The following VAV2 variants were observed in gnomAD, a reference collection of about 807,000 sequenced individuals.
The protein encoded by VAV2 is guanine nucleotide exchange factor VAV2.
In VAV2, 67 loss-of-function variants were observed where a neutral mutation model predicts 132.5. The ratio of observed to expected loss-of-function variants is 0.51; its 90% CI spans 0.42 to 0.62. The LOEUF is 0.62. Ranked by LOEUF, VAV2 falls within the 20% of genes least tolerant of loss-of-function variation. The probability of loss-of-function intolerance (pLI) is 0.00; values close to 1 mark genes in which losing one functional copy is unlikely to be tolerated. For synonymous variants in VAV2, 492 were observed against 443.5 expected, an observed-to-expected ratio of 1.11 and a Z score of -1.37; for missense variants, 938 against 1,153.6, an observed-to-expected ratio of 0.81 and a Z score of 2.71.
chr9:133,972,125 G>A (rs1842355779), intron 1 of VAV2, among the ~76,000 whole-genome samples: 1 of 152,156 alleles, frequency 6.6e-6, no homozygotes, highest in Admixed American at 6.5e-5. Context: ...AAAGTCCCAA[G>A]AATTCATGCT....
chr9:133,889,761 C>A (rs7026413), intron 2 of VAV2, among the ~76,000 whole-genome samples: 6,197 of 151,760 alleles, frequency 0.041, 423 homozygotes, highest in African/African-American at 0.14. Context: ...CACACACACA[C>A]AAAAAATTTT....
At chr9:133,933,752 G>C (rs1197861094) in intron 2 of VAV2, among the ~76,000 whole-genome samples, 1 of 149,716 alleles carries the variant, frequency 6.7e-6, no homozygotes, top group Non-Finnish European at 1.5e-5. Flanking sequence ...ATGAGTGGAT[G>C]GATGAATGGA....
intron 1 of VAV2, among the ~76,000 whole-genome samples, chr9:133,954,391 G>A (rs763364033): frequency 7.9e-5 from 12 of 152,232 alleles, no homozygotes; most frequent in Non-Finnish European, 1.5e-4. Flanking sequence ...CGCGTGAGAC[G>A]CCCAACAGGA....
intron 9 of VAV2, among the ~76,000 whole-genome samples, chr9:133,799,718 T>C (rs898988862): frequency 6.6e-6 from 1 of 152,014 alleles, no homozygotes; most frequent in African/African-American, 2.4e-5. Flanking sequence ...CATTTTCATA[T>C]AAAAGTTGGT....
At chr9:133,845,494 G>T (rs1168286181) in intron 3 of VAV2, among the ~76,000 whole-genome samples, 1 of 152,154 alleles carries the variant, frequency 6.6e-6, no homozygotes, top group Non-Finnish European at 1.5e-5. Context: ...CTCCTCTCTA[G>T]GCTGCCAAGG....
intron 29 of VAV2, among the ~76,000 whole-genome samples, chr9:133,767,195 A>C (rs1750520370): frequency 6.6e-6 from 1 of 152,184 alleles, no homozygotes. Flanking sequence ...AGACTGTCAG[A>C]CCAGACTGGC....
At chr9:133,856,161 G>A (rs1173333468) in intron 3 of VAV2, among the ~76,000 whole-genome samples, 3 of 152,206 alleles carry the variant, frequency 2.0e-5, no homozygotes, top group Non-Finnish European at 2.9e-5. Flanking sequence ...TGCTCATGGC[G>A]ACCGGTTTCT....
At position 133,885,207 on chromosome 9, in the gene VAV2, A is replaced by G. The variant is rs905047876; in HGVS notation, c.322-23775T>C. 2.6e-5 allele frequency among the ~76,000 whole-genome samples: 4 copies of G among 152,126 alleles called. No homozygotes were observed. Among genetic ancestry groups the G allele is most frequent in the Non-Finnish European group, 5.9e-5 (4 of 68,024 alleles). ...TGCGATTGATTCTTCTGAACTTCTGAGCCCACTCAACCAAGGGCGGCCCAG... is the reference window on the plus strand; with the variant it reads ...TGCGATTGATTCTTCTGAACTTCTGGGCCCACTCAACCAAGGGCGGCCCAG... On this transcript the variant is annotated intron_variant, in intron 2 of 29. Coordinates refer to ENST00000371850, the MANE Select transcript of VAV2 (RefSeq NM_001134398.2). The surrounding 1 kb of genome is among the most constrained non-coding windows in gnomAD (Gnocchi z 5.0).
At chr9:133,881,244 T>C (rs1420938948) in intron 2 of VAV2, among the ~76,000 whole-genome samples, 1 of 152,218 alleles carries the variant, frequency 6.6e-6, no homozygotes, top group Admixed American at 6.5e-5. Flanking sequence ...CACAGAGAGA[T>C]GCGGCCTTCC....
At chr9:133,911,434 T>C (rs1340171040) in intron 2 of VAV2, among the ~76,000 whole-genome samples, 1 of 152,216 alleles carries the variant, frequency 6.6e-6, no homozygotes, top group Non-Finnish European at 1.5e-5. Flanking sequence ...AAATTTACCA[T>C]ACCTCTATGG....
Position 133,769,554 on chromosome 9 carries a change from C to G in VAV2, c.2348-51G>C. The G allele has an allele frequency of 6.4e-7, 1 of 1,558,016 alleles. No individual in the cohort carries two copies. The highest frequency in any genetic ancestry group is 8.7e-7 in the Non-Finnish European group (1 of 1,145,092). ...AGGCGGGCAGCAGGGCATCCACGCACAGTCACGGTGGGCACAGCTACAGGC... is the reference window on the plus strand; with the variant it reads ...AGGCGGGCAGCAGGGCATCCACGCAGAGTCACGGTGGGCACAGCTACAGGC... On this transcript the variant is annotated intron_variant, in intron 27 of 29. Transcript: ENST00000371850. The surrounding 1 kb of genome is among the most constrained non-coding windows in gnomAD (Gnocchi z 8.1).
At chr9:133,870,891 G>A (rs1838002588) in intron 2 of VAV2, among the ~76,000 whole-genome samples, 3 of 137,846 alleles carry the variant, frequency 2.2e-5, no homozygotes, top group South Asian at 5.0e-4. Context: ...GATGGATATG[G>A]GTGAGTGCGT....
chr9:133,918,626 G>A lies in VAV2; in HGVS notation c.321+20477C>T, dbSNP rs1476144610. On this transcript the variant is annotated intron_variant, in intron 2 of 29. Transcript: ENST00000371850. The surrounding 1 kb of genome is among the most constrained non-coding windows in gnomAD (Gnocchi z 4.7). ...GTGGGTAAGAAAGCTGAGGCCCACA[G>A]AGTCATGTAGCATGCCCGAGGTCGC... Among the ~76,000 whole-genome samples the A allele has an allele frequency of 6.6e-6, 1 of 152,146 alleles. No individual in the cohort carries two copies. The highest frequency in any genetic ancestry group is 1.5e-5 in the Non-Finnish European group (1 of 68,032).
At chr9:133,858,473 C>A (rs949328737) in intron 3 of VAV2, among the ~76,000 whole-genome samples, 6 of 152,178 alleles carry the variant, frequency 3.9e-5, no homozygotes, top group African/African-American at 1.4e-4. Flanking sequence ...CCGATGTATC[C>A]TGGCTCCACC....
intron 2 of VAV2, among the ~76,000 whole-genome samples, chr9:133,894,107 T>C (rs573924004): frequency 6.6e-6 from 1 of 152,240 alleles, no homozygotes; most frequent in African/African-American, 2.4e-5. Context: ...TCAGGGAAGC[T>C]GCACGGGTGA....
intron 3 of VAV2, among the ~76,000 whole-genome samples, chr9:133,842,886 G>T (rs572740777): frequency 6.6e-6 from 1 of 152,240 alleles, no homozygotes; most frequent in Admixed American, 6.5e-5. Context: ...AACTTGAAAG[G>T]CACCATCAGG....
In VAV2 at chr9:133,830,254, G is replaced by A. The variant is rs76518601; in HGVS notation, c.449+4018C>T. ...GGCTATGGGCCCAAAGCAAAGAACA[G>A]GTGCGTTCTGCTCCAAATGTCCCTT... On this transcript the variant is annotated intron_variant, in intron 4 of 29. Coordinates refer to ENST00000371850, the MANE Select transcript of VAV2 (RefSeq NM_001134398.2). Among the ~76,000 whole-genome samples the A allele has an allele frequency of 4.6e-3, 702 of 152,262 alleles. 49 individuals carry two copies. In the East Asian group the frequency reaches 0.13, roughly 28 times the overall value.
intron 1 of VAV2, among the ~76,000 whole-genome samples, chr9:133,949,249 CCT>C (rs138813206): frequency 0.011 from 1,664 of 152,286 alleles, 29 homozygotes; most frequent in African/African-American, 0.038. Context: ...CTTCCGGACC[CCT>C]GTCTCTGCAC....
At chr9:133,956,497 G>A (rs1210973257) in intron 1 of VAV2, among the ~76,000 whole-genome samples, 1 of 152,194 alleles carries the variant, frequency 6.6e-6, no homozygotes, top group Non-Finnish European at 1.5e-5. Context: ...CCAACGAGTA[G>A]ACATTACTTT....
Sources: gnomAD v4.1 joint callset for allele counts (sites outside exome capture counted in the v4.1 genomes callset) on GRCh38, gnomAD v4.1.1 for gene constraint, Gnocchi (gnomAD v3.1) non-coding constraint, MANE v1.5 for transcripts, NCBI Gene and HGNC (gene_info 2026-07-23, HGNC 2026-07-21) for gene names.